XKRX: variants seen among roughly 807,000 people sequenced by gnomAD.
XKRX encodes XK related X-linked, also known as XK-related protein 2.
In XKRX, 11 loss-of-function variants were observed where a neutral mutation model predicts 22.4. That is an observed-to-expected ratio of 0.49 (90% CI 0.31 to 0.81). The LOEUF (loss-of-function observed/expected upper bound fraction) is 0.81, where lower values mean the gene tolerates loss of function less well. XKRX is among the 40% of genes least tolerant of loss of function. The pLI is 0.05. For missense variants in XKRX, 320 were observed against 336.5 expected, an observed-to-expected ratio of 0.95 and a Z score of 0.38; for synonymous variants, 114 against 132.2, an observed-to-expected ratio of 0.86 and a Z score of 0.94.
In XKRX at chrX:100,914,628, T is replaced by C; in HGVS notation, c.1060A>G (p.Ser354Gly). The stretch of plus-strand genomic sequence containing the variant: ...ATCACATTCTCTACCAACCTCACAC[T>C]ATAGTGCAGGCCCATATGTCCCCAG... The part of the protein sequence containing the change: ...QNWGHMGLHY[S>G]VRLVENVIMV... The change falls in exon 3 of 3, where the codon AGT becomes GGT. Residue 354 changes from serine to glycine, a missense_variant. By Grantham distance (56) the Ser-to-Gly change is moderately conservative. Coordinates refer to ENST00000372956, the MANE Select transcript of XKRX (RefSeq NM_212559.3). 4.1e-6 allele frequency: 5 copies of C among 1,211,908 alleles called. No individual in the cohort carries two copies. Among genetic ancestry groups the C allele is most frequent in the Non-Finnish European group, 5.6e-6 (5 of 895,613 alleles).
chrX:100,918,226 T>G (rs2085454996), intron 2 of XKRX, among the ~76,000 whole-genome samples: 1 of 111,705 alleles, frequency 9.0e-6, no homozygotes, highest in Non-Finnish European at 1.9e-5. Flanking sequence ...ATTTCCCCCA[T>G]GTAAACCCAA....
At position 100,928,287 on chromosome X, in the gene XKRX, T is replaced by C; in HGVS notation, c.18A>G (p.Glu6=). Residue 6 remains glutamate, a synonymous_variant, in exon 1 of 3, where the codon GAA becomes GAG. Transcript: ENST00000372956. MDRVY[E]IPEEPNVDPV... ...GATCCACATTTGGCTCCTCAGGAAT[T>C]TCATAAACTCTGTCCATTGTCGAGG... is the stretch of plus-strand genomic sequence containing the variant. The C allele has an allele frequency of 1.7e-6, 2 of 1,210,691 alleles. No individual in the cohort carries two copies. Among genetic ancestry groups the C allele is most frequent in the Non-Finnish European group, 2.2e-6 (2 of 895,225 alleles).
At chrX:100,951,868 A>AGCTCC in the XKRX span, among the ~76,000 whole-genome samples, 6 of 112,105 alleles carry the variant, frequency 5.4e-5, no homozygotes, top group Non-Finnish European at 1.1e-4. Flanking sequence ...ATTTGTGAAT[A>AGCTCC]GCTTTATAAC....
upstream of XKRX, among the ~76,000 whole-genome samples, chrX:100,933,478 TAA>T (rs368739515): frequency 5.7e-4 from 29 of 50,469 alleles, no homozygotes; most frequent in African/African-American, 1.6e-3. Flanking sequence ...AGATTCCGTC[TAA>T]AAAAAAAAAA....
chrX:100,910,949 A>T, downstream of XKRX: 1 of 559,218 alleles, frequency 1.8e-6, no homozygotes, highest in South Asian at 2.4e-5. Context: ...TAATGAAAAG[A>T]CTCCACGGGG....
intron 2 of XKRX, among the ~76,000 whole-genome samples, chrX:100,917,682 G>GAA: frequency 1.2e-5 from 1 of 85,686 alleles, no homozygotes; most frequent in South Asian, 5.9e-4. Context: ...AGAAAAGAAA[G>GAA]AAAGAAAGAA....
chrX:100,924,005 G>GTTTTTTTTT (rs10600680), intron 1 of XKRX, among the ~76,000 whole-genome samples: 2 of 77,139 alleles, frequency 2.6e-5, no homozygotes, highest in African/African-American at 5.0e-5. Context: ...TCCGGCTAAG[G>GTTTTTTTTT]TTTTTTTTTT....
chrX:100,915,167 A>C, intron 2 of XKRX, 84 bp from the exon 3 acceptor site: 1 of 1,035,630 alleles, frequency 9.7e-7, no homozygotes, highest in African/African-American at 1.9e-5. Flanking sequence ...AGAGGTCCAG[A>C]GAGATGACGG....
chrX:100,931,153 TA>T (rs3833915), upstream of XKRX, among the ~76,000 whole-genome samples: 33,927 of 87,003 alleles, frequency 0.39, 4,815 homozygotes, highest in East Asian at 0.62. Context: ...AAATTAAAAA[TA>T]AAAAAAAAAA....
intron 1 of XKRX, among the ~76,000 whole-genome samples, chrX:100,924,416 T>C (rs1229654013): frequency 9.0e-6 from 1 of 111,551 alleles, no homozygotes; most frequent in Non-Finnish European, 1.9e-5. Context: ...AAAAACATCC[T>C]TATGAAAGCC....
chrX:100,902,962 G>A, the XKRX span, among the ~76,000 whole-genome samples: 6 of 108,700 alleles, frequency 5.5e-5, no homozygotes, highest in African/African-American at 2.0e-4. Context: ...TGTTAGCCAG[G>A]ATGGTCTCGA....
At chrX:100,956,804 TTCA>T in the XKRX span, 1 of 582,067 alleles carries the variant, frequency 1.7e-6, no homozygotes, top group Admixed American at 2.3e-5. Flanking sequence ...GAGGTTTGTA[TTCA>T]TCAAGACAAG....
In XKRX at chrX:100,914,056, G is replaced by A. The variant is rs2085418355; in HGVS notation, c.*282C>T. On this transcript the variant is annotated 3_prime_UTR_variant, in exon 3 of 3. Transcript: ENST00000372956. ...AGAAGGTCACTTTAGAGAGCCTAAAGTGTTTGAAGACAAGTTATTCCAATT... is the reference window on the plus strand; with the variant it reads ...AGAAGGTCACTTTAGAGAGCCTAAAATGTTTGAAGACAAGTTATTCCAATT... 3.1e-6 allele frequency: 1 copy of A among 323,970 alleles called. No homozygotes were observed. Among genetic ancestry groups the A allele is most frequent in the Non-Finnish European group, 5.4e-6 (1 of 185,558 alleles). 26.7% of individuals were successfully genotyped at this position (323,970 alleles called of 1,213,427 possible). A position where few individuals can be genotyped will look rare whatever the true frequency, so the allele number is the denominator to read the frequency against.
chrX:100,901,074 G>A, the XKRX span, among the ~76,000 whole-genome samples: 7 of 111,438 alleles, frequency 6.3e-5, no homozygotes, highest in Non-Finnish European at 9.4e-5. Flanking sequence ...ACAGGCGTGA[G>A]CCACCGCACC....
At chrX:100,950,960 C>T in the XKRX span, among the ~76,000 whole-genome samples, 6 of 110,392 alleles carry the variant, frequency 5.4e-5, no homozygotes, top group South Asian at 7.6e-4. Flanking sequence ...GGGCTGGGTG[C>T]GGGGGCTCAC....
the XKRX span, among the ~76,000 whole-genome samples, chrX:100,903,128 C>T: frequency 9.1e-6 from 1 of 109,403 alleles, no homozygotes; most frequent in South Asian, 3.9e-4. Context: ...GAGCTTTCTG[C>T]TAAGATCAGA....
chrX:100,935,571 G>A, the XKRX span, among the ~76,000 whole-genome samples: 1 of 111,736 alleles, frequency 8.9e-6, no homozygotes, highest in Admixed American at 9.5e-5. Context: ...ATCCATTTCC[G>A]GAAGACAGAA....
the XKRX span, among the ~76,000 whole-genome samples, chrX:100,906,846 T>C: frequency 9.0e-6 from 1 of 111,654 alleles, no homozygotes; most frequent in African/African-American, 3.3e-5. Flanking sequence ...TCGCATTCCT[T>C]GGTTCGTGGC....
intron 2 of XKRX, among the ~76,000 whole-genome samples, chrX:100,922,582 T>C (rs2085478313): frequency 8.9e-6 from 1 of 112,724 alleles, no homozygotes; most frequent in Non-Finnish European, 1.9e-5. Flanking sequence ...GAAATGTTTA[T>C]ACCTGTGCCA....
Sources: gnomAD v4.1 joint callset for allele counts (sites outside exome capture counted in the v4.1 genomes callset) on GRCh38, gnomAD v4.1.1 for gene constraint, MANE v1.5 for transcripts, NCBI Gene and HGNC (gene_info 2026-07-23, HGNC 2026-07-21) for gene names.